MRC1: variants seen among roughly 807,000 people sequenced by gnomAD.
The protein encoded by MRC1 is mannose receptor C-type 1.
A neutral mutation model predicts 102.9 loss-of-function variants in MRC1; 62 were observed. The observed-to-expected ratio is 0.60, with a 90% confidence interval of 0.49 to 0.74. The LOEUF (loss-of-function observed/expected upper bound fraction) is 0.74, where lower values mean the gene tolerates loss of function less well. MRC1 is among the 30% of genes least tolerant of loss of function. MRC1 has a pLI of 0.00. For missense variants in MRC1, 1,237 were observed against 862.8 expected (o/e 1.43, Z -5.43); for synonymous variants, 457 against 298.4 (o/e 1.53, Z -5.48).
chr10:17,828,927 G>A (rs1838525733), intron 3 of MRC1, among the ~76,000 whole-genome samples: 1 of 151,356 alleles, frequency 6.6e-6, no homozygotes, highest in African/African-American at 2.5e-5. Context: ...TGAGGAAAAA[G>A]GAAAAGGAAG....
intron 3 of MRC1, among the ~76,000 whole-genome samples, chr10:17,828,286 C>T (rs967765638): frequency 6.6e-6 from 1 of 151,392 alleles, no homozygotes; most frequent in Admixed American, 6.6e-5. Flanking sequence ...CTGTGTTAGC[C>T]AGGATGGTCT....
intron 4 of MRC1, among the ~76,000 whole-genome samples, chr10:17,838,185 G>T (rs1190838576): frequency 6.6e-6 from 1 of 152,074 alleles, no homozygotes; most frequent in African/African-American, 2.4e-5. Context: ...CAGAACACCC[G>T]GGGATCCGCT....
chr10:17,829,263 T>G (rs1489055636), intron 3 of MRC1, among the ~76,000 whole-genome samples: 1 of 151,476 alleles, frequency 6.6e-6, no homozygotes, highest in Non-Finnish European at 1.5e-5. Flanking sequence ...ACAGAACAAC[T>G]TAAAAAATAC....
rs902575942 is a variant in MRC1 at position 17,832,595 on chromosome 10, A to G, written c.638-1080A>G. Among the ~76,000 whole-genome samples the G allele has an allele frequency of 8.9e-4, 130 of 145,502 alleles. 3 individuals carry two copies. Among genetic ancestry groups the G allele is most frequent in the African/African-American group, 3.3e-3 (126 of 37,970 alleles). ...AACAAAAAAAGTTTTATTTTTATTT[A>G]TTTAGTTTTTGAGACGGAGTCTCGC... On this transcript the variant is annotated intron_variant, in intron 3 of 29. Coordinates refer to ENST00000569591, the MANE Select transcript of MRC1 (RefSeq NM_002438.4).
At chr10:17,815,516 G>C (rs1554837775) in intron 1 of MRC1, among the ~76,000 whole-genome samples, 1 of 152,102 alleles carries the variant, frequency 6.6e-6, no homozygotes, top group Non-Finnish European at 1.5e-5. Flanking sequence ...TCACAGTCCA[G>C]GACACAGGTA....
chr10:17,814,084 C>A (rs1474097538), intron 1 of MRC1, among the ~76,000 whole-genome samples: 1 of 152,116 alleles, frequency 6.6e-6, no homozygotes. Flanking sequence ...ACCTCAGGGA[C>A]CCATAGCTTC....
intron 22 of MRC1, among the ~76,000 whole-genome samples, chr10:17,890,333 G>A (rs1833654906): frequency 6.6e-6 from 1 of 151,896 alleles, no homozygotes; most frequent in Admixed American, 6.6e-5. Context: ...GATGTTCTCT[G>A]AGCTTCCTGG....
chr10:17,819,752 A>C (rs1319342351), intron 1 of MRC1, among the ~76,000 whole-genome samples: 1 of 152,034 alleles, frequency 6.6e-6, no homozygotes, highest in Non-Finnish European at 1.5e-5. Flanking sequence ...AGACCAACCT[A>C]GGCAACAAAG....
chr10:17,835,380 G>A (rs966484249), intron 4 of MRC1, among the ~76,000 whole-genome samples: 31 of 152,232 alleles, frequency 2.0e-4, no homozygotes, highest in African/African-American at 6.5e-4. Context: ...GCCAGGCTTT[G>A]TGCTAGGTCC....
chr10:17,885,482 C>T, intron 22 of MRC1, 47 bp downstream of exon 22: 2 of 776,760 alleles, frequency 2.6e-6, no homozygotes, highest in Non-Finnish European at 4.8e-6. Flanking sequence ...TCAGCTTGCA[C>T]AGGGTTATCA....
chr10:17,835,300 C>T (rs1335234736), intron 4 of MRC1, among the ~76,000 whole-genome samples: 1 of 152,228 alleles, frequency 6.6e-6, no homozygotes, highest in Non-Finnish European at 1.5e-5. Context: ...CTTGACAACA[C>T]TATAAATACA....
At chr10:17,854,483 G>C (rs999699572) in intron 8 of MRC1, among the ~76,000 whole-genome samples, 1 of 152,062 alleles carries the variant, frequency 6.6e-6, no homozygotes, top group South Asian at 2.1e-4. Context: ...GAGGTGAAAG[G>C]TCAGTGTGGT....
At chr10:17,870,444 C>T (rs1395921982) in intron 13 of MRC1, 71 bp downstream of exon 13, 2 of 778,548 alleles carry the variant, frequency 2.6e-6, no homozygotes, top group Non-Finnish European at 4.8e-6. Context: ...GAAAATTTGT[C>T]TGTTTCTGAA....
intron 2 of MRC1, among the ~76,000 whole-genome samples, chr10:17,826,463 A>G (rs1395366858): frequency 6.6e-6 from 1 of 152,182 alleles, no homozygotes; most frequent in African/African-American, 2.4e-5. Context: ...TGGCCTCTCA[A>G]AGCGCTGGGA....
chr10:17,881,730 C>T (rs1253414765), intron 21 of MRC1, among the ~76,000 whole-genome samples: 1 of 123,030 alleles, frequency 8.1e-6, no homozygotes, highest in Non-Finnish European at 1.6e-5. Flanking sequence ...AGGATTATAA[C>T]TCACTGCAGC....
At chr10:17,888,605 A>G (rs1849990243) in intron 22 of MRC1, among the ~76,000 whole-genome samples, 1 of 152,108 alleles carries the variant, frequency 6.6e-6, no homozygotes, top group Non-Finnish European at 1.5e-5. Flanking sequence ...TTCTAGTTTA[A>G]TTCCATTGTG....
rs912658129 is a variant in MRC1 at position 17,849,816 on chromosome 10, C to A, written c.1249+52C>A. 51 of 735,764 alleles carry A rather than the reference C, an allele frequency of 6.9e-5. No individual in the cohort carries two copies. The African/African-American group carries it at 8.1e-4, about 12-fold the overall frequency. The allele number at this position is 735,764 out of a possible 1,614,324, so 45.6% of individuals were successfully genotyped here. A position where few individuals can be genotyped will look rare whatever the true frequency, so the allele number is the denominator to read the frequency against. Reference sequence around the variant, plus strand: ...CTTGGCTTTAATCCTGGGAGCACCCCTTTCTACCCAACTCTGGAAAATTCT... The same window carrying A: ...CTTGGCTTTAATCCTGGGAGCACCCATTTCTACCCAACTCTGGAAAATTCT... On this transcript the variant is annotated intron_variant, in intron 7 of 29. Transcript: ENST00000569591.
chr10:17,907,736 C>T, intron 28 of MRC1, 38 bp downstream of exon 28: 1 of 779,596 alleles, frequency 1.3e-6, no homozygotes, highest in Non-Finnish European at 2.4e-6. Flanking sequence ...ATATCACTGG[C>T]TGCCATTTCT....
chr10:17,816,670 C>T (rs980349415), intron 1 of MRC1, among the ~76,000 whole-genome samples: 29 of 152,270 alleles, frequency 1.9e-4, no homozygotes, highest in African/African-American at 6.0e-4. Context: ...ACCTAAACAG[C>T]GAAGGCCGAG....
Sources: gnomAD v4.1 joint callset for allele counts (sites outside exome capture counted in the v4.1 genomes callset) on GRCh38, gnomAD v4.1.1 for gene constraint, MANE v1.5 for transcripts, NCBI Gene and HGNC (gene_info 2026-07-23, HGNC 2026-07-21) for gene names.